Variants in UBTD2 observed in about 807,000 individuals in gnomAD.
UBTD2 encodes ubiquitin domain-containing protein 2.
In UBTD2, 9 loss-of-function variants were observed where a neutral mutation model predicts 19.8. The ratio of observed to expected loss-of-function variants is 0.46; its 90% CI spans 0.27 to 0.79. UBTD2 has a LOEUF of 0.79. UBTD2 is among the 30% of genes least tolerant of loss of function. UBTD2 has a pLI of 0.14. For synonymous variants in UBTD2, 98 were observed against 103.9 expected, an observed-to-expected ratio of 0.94 and a Z score of 0.35; for missense variants, 250 against 300.4, an observed-to-expected ratio of 0.83 and a Z score of 1.24.
intron 2 of UBTD2, among the ~76,000 whole-genome samples, chr5:172,230,144 GA>G (rs1408984173): frequency 1.3e-5 from 2 of 152,134 alleles, no homozygotes; most frequent in African/African-American, 4.8e-5. Flanking sequence ...TTTCCAGAAT[GA>G]AAATATACCG....
intron 1 of UBTD2, chr5:172,254,786 G>A (rs749247089): frequency 8.0e-5 from 43 of 540,254 alleles, no homozygotes; most frequent in African/African-American, 1.2e-4. Flanking sequence ...AGGATAATCC[G>A]TCCTCTGTGG....
intron 2 of UBTD2, among the ~76,000 whole-genome samples, chr5:172,212,876 G>A (rs180679692): frequency 1.3e-5 from 2 of 152,218 alleles, no homozygotes; most frequent in African/African-American, 4.8e-5. Context: ...ATGTTGGCCA[G>A]GCTGGTCTCA....
chr5:172,250,336 T>G (rs946987998), intron 1 of UBTD2, among the ~76,000 whole-genome samples: 41 of 152,216 alleles, frequency 2.7e-4, no homozygotes, highest in African/African-American at 9.4e-4. Flanking sequence ...GTGAAGAAAG[T>G]TGGCAGTTGC....
Position 172,212,195 on chromosome 5 carries a change from T to C in UBTD2, c.340A>G (p.Asn114Asp). The change falls in exon 3 of 3, where the codon AAC (asparagine) becomes GAC (aspartate). Residue 114 changes from asparagine (N) to aspartate (D), a missense_variant. Transcript: ENST00000393792. ...ALTECYDELGNRYQLPVYCLA... is the reference protein window; with the variant it reads ...ALTECYDELGDRYQLPVYCLA... Reference sequence around the variant, plus strand: ...CAATACACTGGAAGCTGATATCTGTTCCCCAGTTCATCGTAGCACTCTGTA... The same window carrying C: ...CAATACACTGGAAGCTGATATCTGTCCCCCAGTTCATCGTAGCACTCTGTA... 1 of 1,611,978 alleles carries C rather than the reference T, an allele frequency of 6.2e-7. No individual in the cohort carries two copies. The highest frequency in any genetic ancestry group is 8.5e-7 in the Non-Finnish European group (1 of 1,178,166).
intron 2 of UBTD2, among the ~76,000 whole-genome samples, chr5:172,233,022 C>A (rs983987438): frequency 1.3e-5 from 2 of 151,942 alleles, no homozygotes; most frequent in African/African-American, 4.8e-5. Flanking sequence ...AGCTGAGGCA[C>A]GAGAATCACT....
At chr5:172,258,842 C>T (rs966804820) in intron 1 of UBTD2, among the ~76,000 whole-genome samples, 3 of 152,124 alleles carry the variant, frequency 2.0e-5, no homozygotes, top group African/African-American at 7.2e-5. Context: ...GATCTAGGAG[C>T]TTTTGGGCAG....
At chr5:172,255,814 C>T (rs1231673710) in intron 1 of UBTD2, among the ~76,000 whole-genome samples, 12 of 152,158 alleles carry the variant, frequency 7.9e-5, no homozygotes, top group Non-Finnish European at 1.5e-4. Context: ...AGGGGCTGGG[C>T]GCAGTGGCTC....
intron 2 of UBTD2, among the ~76,000 whole-genome samples, chr5:172,212,605 T>C (rs1325145677): frequency 6.6e-6 from 1 of 152,190 alleles, no homozygotes; most frequent in Non-Finnish European, 1.5e-5. Flanking sequence ...AGCAAGCAAA[T>C]TAAAAAAAAT....
chr5:172,213,084 G>A (rs1384902500), intron 2 of UBTD2, among the ~76,000 whole-genome samples: 2 of 152,004 alleles, frequency 1.3e-5, no homozygotes, highest in Admixed American at 6.6e-5. Flanking sequence ...TCCATTTCCC[G>A]TGTTCAAGCA....
At chr5:172,237,115 G>A (rs1318195779) in intron 1 of UBTD2, among the ~76,000 whole-genome samples, 1 of 152,066 alleles carries the variant, frequency 6.6e-6, no homozygotes, top group East Asian at 1.9e-4. Context: ...ATATACTTGA[G>A]ACAGAGTCTT....
chr5:172,267,472 A>G (rs530081970), intron 1 of UBTD2, among the ~76,000 whole-genome samples: 31 of 152,348 alleles, frequency 2.0e-4, no homozygotes, highest in African/African-American at 7.0e-4. Flanking sequence ...CAGTACATGG[A>G]TGTCTAGGTT....
intron 1 of UBTD2, chr5:172,255,384 G>A (rs1052794928): frequency 6.1e-6 from 3 of 493,412 alleles, no homozygotes; most frequent in African/African-American, 4.0e-5. Flanking sequence ...ATGACACCGA[G>A]ACAGGGTCCA....
chr5:172,219,270 T>C (rs1771608139), intron 2 of UBTD2, among the ~76,000 whole-genome samples: 1 of 152,254 alleles, frequency 6.6e-6, no homozygotes, highest in Non-Finnish European at 1.5e-5. Context: ...GAATACAGCA[T>C]TCCTCCCTTT....
intron 2 of UBTD2, among the ~76,000 whole-genome samples, chr5:172,217,885 A>G (rs138955925): frequency 3.3e-5 from 5 of 152,354 alleles, no homozygotes; most frequent in African/African-American, 9.6e-5. Flanking sequence ...TGAATCCACT[A>G]TTATAGTTGA....
At chr5:172,260,574 C>T (rs1335122760) in intron 1 of UBTD2, among the ~76,000 whole-genome samples, 1 of 152,120 alleles carries the variant, frequency 6.6e-6, no homozygotes, top group Admixed American at 6.6e-5. Flanking sequence ...ATACAAACAC[C>T]CACAATAACC....
At position 172,283,465 on chromosome 5, in the gene UBTD2, C is replaced by T; in HGVS notation, c.70+131G>A. The stretch of plus-strand genomic sequence containing the variant: ...TGGCAGGACAGCCGGAAGCGGAGCG[C>T]GGGGAATGACGTGGAAGAGGGGATG... On this transcript the variant is annotated intron_variant, in intron 1 of 2. Transcript: ENST00000393792. The surrounding 1 kb of genome is among the most constrained non-coding windows in gnomAD (Gnocchi z 4.3). 1 of 670,122 alleles carries T rather than the reference C, an allele frequency of 1.5e-6. No homozygotes were observed. Among genetic ancestry groups the T allele is most frequent in the Non-Finnish European group, 2.1e-6 (1 of 484,316 alleles). The allele number at this position is 670,122 out of a possible 1,614,324, so 41.5% of individuals were successfully genotyped here.
rs1772097786 is a variant in UBTD2 at position 172,240,176 on chromosome 5, ATC to A, written c.71-5820_71-5819del. Among the ~76,000 whole-genome samples, 6 of 152,322 alleles carry A rather than the reference ATC, an allele frequency of 3.9e-5. No homozygotes were observed. In the South Asian group the frequency reaches 1.2e-3, roughly 32 times the overall value. ...CTAGCCCTATCTAATCTACCACTTA[ATC>A]TATGTTGTGGAGATACCAACCATGA... On this transcript the variant is annotated intron_variant, in intron 1 of 2. Coordinates refer to ENST00000393792, the MANE Select transcript of UBTD2 (RefSeq NM_152277.3).
chr5:172,278,014 T>A (rs773870681), intron 1 of UBTD2, among the ~76,000 whole-genome samples: 8 of 152,042 alleles, frequency 5.3e-5, no homozygotes, highest in Non-Finnish European at 8.8e-5. Flanking sequence ...TGCTGTAATT[T>A]AAAAAATGGA....
intron 1 of UBTD2, among the ~76,000 whole-genome samples, chr5:172,270,496 C>T (rs1755466805): frequency 6.6e-6 from 1 of 151,604 alleles, no homozygotes. Context: ...GCTGGGACTA[C>T]AGGCGCCCAC....
Sources: gnomAD v4.1 joint callset for allele counts (sites outside exome capture counted in the v4.1 genomes callset) on GRCh38, gnomAD v4.1.1 for gene constraint, Gnocchi (gnomAD v3.1) non-coding constraint, MANE v1.5 for transcripts, NCBI Gene and HGNC (gene_info 2026-07-23, HGNC 2026-07-21) for gene names.